The following ITPRIP variants were observed in gnomAD, a reference collection of about 807,000 sequenced individuals.
ITPRIP encodes inositol 1,4,5-trisphosphate receptor-interacting protein.
In ITPRIP, 32 loss-of-function variants were observed where a neutral mutation model predicts 35.8. The observed-to-expected ratio is 0.89, with a 90% CI of 0.68 to 1.20. ITPRIP has a LOEUF of 1.20. ITPRIP is among the 50% of genes most tolerant of loss of function. The probability of loss-of-function intolerance (pLI) is 0.00; values close to 1 mark genes in which losing one functional copy is unlikely to be tolerated. For synonymous variants in ITPRIP, 358 were observed against 324.0 expected, an observed-to-expected ratio of 1.11 and a Z score of -1.13; for missense variants, 653 against 735.6, an observed-to-expected ratio of 0.89 and a Z score of 1.30.
intron 1 of ITPRIP, among the ~76,000 whole-genome samples, chr10:104,321,703 CTT>C (rs111255254): frequency 1.7e-4 from 23 of 137,300 alleles, no homozygotes; most frequent in Non-Finnish European, 2.2e-4. Context: ...CTTTTCTTTT[CTT>C]TTTTTTTTTT....
At position 104,314,750 on chromosome 10, in the gene ITPRIP, C is replaced by T. The variant is rs2013590736; in HGVS notation, c.1302G>A (p.Lys434=). 1.2e-6 allele frequency: 2 copies of T among 1,613,930 alleles called. No homozygotes were observed. The highest frequency in any genetic ancestry group is 1.7e-6 in the Non-Finnish European group (2 of 1,179,994). ...GPSGLSSYHL[K]TALLHLLLLR... ...GGAGTAGGAGGTGCAGTAGGGCCGT[C>T]TTCAGGTGGTAGCTGCTGAGCCCGC... Residue 434 remains lysine, a synonymous_variant, in exon 2 of 2, where the codon AAG becomes AAA. Coordinates refer to ENST00000337478, the MANE Select transcript of ITPRIP (RefSeq NM_001272013.2).
chr10:104,314,773 C>T lies in ITPRIP; in HGVS notation c.1279G>A (p.Gly427Arg), dbSNP rs759433930. Residue 427 changes from glycine to arginine, a missense_variant, in exon 2 of 2, where the codon GGG becomes AGG. By Grantham distance (125) the Gly-to-Arg change is moderately radical. Transcript: ENST00000337478. Reference sequence around the variant, plus strand: ...GTCTTCAGGTGGTAGCTGCTGAGCCCGCTGGGACCGGTCAGGCGGCTCTGC... The same window carrying T: ...GTCTTCAGGTGGTAGCTGCTGAGCCTGCTGGGACCGGTCAGGCGGCTCTGC... ...SKQSRLTGPSGLSSYHLKTAL... is the reference protein window; with the variant it reads ...SKQSRLTGPSRLSSYHLKTAL... 43 of 1,613,808 alleles carry T rather than the reference C, an allele frequency of 2.7e-5. No homozygotes were observed. Among genetic ancestry groups the T allele is most frequent in the Non-Finnish European group, 3.1e-5 (37 of 1,180,016 alleles).
intron 1 of ITPRIP, among the ~76,000 whole-genome samples, chr10:104,330,039 G>A (rs2014116510): frequency 6.6e-6 from 1 of 152,202 alleles, no homozygotes; most frequent in South Asian, 2.1e-4. Context: ...CACAGAGGAA[G>A]AGGAGGAAGT....
At chr10:104,325,591 G>C (rs1186203418) in intron 1 of ITPRIP, among the ~76,000 whole-genome samples, 9 of 152,224 alleles carry the variant, frequency 5.9e-5, no homozygotes, top group Admixed American at 5.9e-4. Flanking sequence ...GCAAGGACTA[G>C]AAGAAAAGAG....
intron 1 of ITPRIP, among the ~76,000 whole-genome samples, chr10:104,334,294 C>G (rs939566695): frequency 6.6e-6 from 1 of 152,238 alleles, no homozygotes; most frequent in South Asian, 2.1e-4. Flanking sequence ...TGCTTCACCC[C>G]CTGGCCTACG....
intron 1 of ITPRIP, among the ~76,000 whole-genome samples, chr10:104,325,002 G>C (rs1395593156): frequency 6.6e-6 from 1 of 152,210 alleles, no homozygotes; most frequent in Non-Finnish European, 1.5e-5. Context: ...TGGATCGCCT[G>C]AGCTCAGGAG....
chr10:104,335,627 C>T (rs1206874220), intron 1 of ITPRIP, among the ~76,000 whole-genome samples: 1 of 152,188 alleles, frequency 6.6e-6, no homozygotes, highest in Non-Finnish European at 1.5e-5. Context: ...CTGCCTCCTG[C>T]CAGATGAATT....
At chr10:104,323,317 G>A (rs1475807091) in intron 1 of ITPRIP, 1 of 152,236 alleles carries the variant, frequency 6.6e-6, no homozygotes, top group Non-Finnish European at 1.5e-5. Context: ...ACCTCATTTA[G>A]GTAGTTGCAT....
Position 104,315,797 on chromosome 10 carries a change from G to A in ITPRIP, c.255C>T (p.Ala85=). 1 of 1,613,878 alleles carries A rather than the reference G, an allele frequency of 6.2e-7. No individual in the cohort carries two copies. The highest frequency in any genetic ancestry group is 8.5e-7 in the Non-Finnish European group (1 of 1,179,936). The change falls in exon 2 of 2, where the codon GCC becomes GCT. Residue 85 remains alanine, a synonymous_variant. Transcript: ENST00000337478. This position sits in a 1 kb window ranked among gnomAD's most constrained non-coding sequence, Gnocchi z 5.7. ...TGCAGAGGGTGCTCCAGAGGTCCCAGGCCACGCGTGTCTCGTTCTGCTGCC... is the reference window on the plus strand; with the variant it reads ...TGCAGAGGGTGCTCCAGAGGTCCCAAGCCACGCGTGTCTCGTTCTGCTGCC... ...EGRQQNETRV[A]WDLWSTLCMI...
At chr10:104,334,781 G>A (rs1211384896) in intron 1 of ITPRIP, among the ~76,000 whole-genome samples, 1 of 152,208 alleles carries the variant, frequency 6.6e-6, no homozygotes, top group East Asian at 1.9e-4. Context: ...ACCCCATGCT[G>A]CTCCTGCCTG....
In ITPRIP at chr10:104,314,647, A is replaced by G; in HGVS notation, c.1405T>C (p.Leu469=). 1 of 1,614,056 alleles carries G rather than the reference A, an allele frequency of 6.2e-7. No individual in the cohort carries two copies. The highest frequency in any genetic ancestry group is 1.1e-5 in the South Asian group (1 of 91,090). The change falls in exon 2 of 2, where the codon TTG becomes CTG. Residue 469 remains leucine, a synonymous_variant. Transcript: ENST00000337478. ...AAGTGGTGGAGCTTCTTCTGGAGCA[A>G]GCTCTTCTCCAGGAAGCACAGCAAC... ...HELLCFLEKS[L]LQKKLHHFFI... is the part of the protein sequence containing the mutation.
chr10:104,326,254 T>A lies in ITPRIP; in HGVS notation c.-13-10190A>T, dbSNP rs1371673375. On this transcript the variant is annotated intron_variant, in intron 1 of 1. Transcript: ENST00000337478. This position sits in a 1 kb window ranked among gnomAD's most constrained non-coding sequence, Gnocchi z 4.8. ...CAGAGGCACAGGAAGGACAGAGGGC[T>A]GGACTCTGCTGGCTCTGGGTGGGTG... The A allele has an allele frequency of 6.6e-6, 1 of 152,226 alleles. No individual in the cohort carries two copies. Among genetic ancestry groups the A allele is most frequent in the Non-Finnish European group, 1.5e-5 (1 of 68,064 alleles). 9.4% of individuals were successfully genotyped at this position (152,226 alleles called of 1,614,324 possible).
In ITPRIP at chr10:104,315,568, C is replaced by G; in HGVS notation, c.484G>C (p.Glu162Gln). ...GATADAARTR[E>Q]FLEGFVDDLL... ...TCATCCACGAAGCCTTCCAGGAACTCCCGGGTACGGGCTGCATCGGCCGTG... is the reference window on the plus strand; with the variant it reads ...TCATCCACGAAGCCTTCCAGGAACTGCCGGGTACGGGCTGCATCGGCCGTG... Residue 162 changes from glutamate to glutamine, a missense_variant, in exon 2 of 2, where the codon GAG becomes CAG. Transcript: ENST00000337478. This position sits in a 1 kb window ranked among gnomAD's most constrained non-coding sequence, Gnocchi z 5.7. The G allele has an allele frequency of 2.5e-6, 4 of 1,614,098 alleles. No individual in the cohort carries two copies. The highest frequency in any genetic ancestry group is 3.4e-6 in the Non-Finnish European group (4 of 1,180,034).
In ITPRIP at chr10:104,313,475, T is replaced by C; in HGVS notation, c.*933A>G. 3 of 985,762 alleles carry C rather than the reference T, an allele frequency of 3.0e-6. No homozygotes were observed. Among genetic ancestry groups the C allele is most frequent in the Non-Finnish European group, 3.6e-6 (3 of 830,134 alleles). The allele number at this position is 985,762 out of a possible 1,614,324, so 61.1% of individuals were successfully genotyped here. A position where few individuals can be genotyped will look rare whatever the true frequency, so the allele number is the denominator to read the frequency against. ...CAATGAAGAAGTGATAGAGTTTCTT[T>C]TCCAGCTGTCCTTTGCCACAGTCAC... On this transcript the variant is annotated 3_prime_UTR_variant, in exon 2 of 2. Transcript: ENST00000337478.
At chr10:104,335,552 C>T (rs534545357) in intron 1 of ITPRIP, among the ~76,000 whole-genome samples, 5 of 152,200 alleles carry the variant, frequency 3.3e-5, no homozygotes, top group African/African-American at 1.2e-4. Context: ...AGGAAAGTCA[C>T]TTGATTCTTG....
Position 104,333,257 on chromosome 10 carries a change from T to A in ITPRIP, c.-14+4989A>T, listed in dbSNP as rs1425794744. On this transcript the variant is annotated intron_variant, in intron 1 of 1. Transcript: ENST00000337478. The surrounding 1 kb of genome is among the most constrained non-coding windows in gnomAD (Gnocchi z 4.1). ...CCACCACCAACTGACACAGCCCAGA[T>A]CTGAGACTGCAGCACCTCCCTCTTC... 1 of 152,638 alleles carries A rather than the reference T, an allele frequency of 6.6e-6. No individual in the cohort carries two copies. The highest frequency in any genetic ancestry group is 1.9e-4 in the East Asian group (1 of 5,210). 9.5% of individuals were successfully genotyped at this position (152,638 alleles called of 1,614,324 possible).
At chr10:104,337,858 C>A (rs2014269271) in intron 1 of ITPRIP, among the ~76,000 whole-genome samples, 1 of 152,150 alleles carries the variant, frequency 6.6e-6, no homozygotes, top group South Asian at 2.1e-4. Flanking sequence ...TTTCTTTCTT[C>A]GGTAGCGCTC....
intron 1 of ITPRIP, among the ~76,000 whole-genome samples, chr10:104,320,840 G>A (rs576010685): frequency 1.3e-5 from 2 of 152,172 alleles, no homozygotes; most frequent in South Asian, 4.2e-4. Flanking sequence ...TGTAACTTCT[G>A]TCCCCCTAAA....
chr10:104,320,230 T>C (rs2013808610), intron 1 of ITPRIP, among the ~76,000 whole-genome samples: 1 of 151,066 alleles, frequency 6.6e-6, no homozygotes, highest in Non-Finnish European at 1.5e-5. Flanking sequence ...AGAGATGAAC[T>C]AAGGGTCTGG....
Sources: allele counts gnomAD v4.1 joint callset (sites outside exome capture counted in the v4.1 genomes callset), GRCh38; gene constraint gnomAD v4.1.1; non-coding constraint Gnocchi (gnomAD v3.1); transcripts MANE v1.5; gene names NCBI Gene and HGNC (gene_info 2026-07-23, HGNC 2026-07-21).